The following NDST3 variants were observed in gnomAD, a reference collection of about 807,000 sequenced individuals.
NDST3 encodes bifunctional heparan sulfate N-deacetylase/N-sulfotransferase 3.
A neutral mutation model predicts 96.1 loss-of-function variants in NDST3; 58 were observed. That is an observed-to-expected ratio of 0.60 (90% CI 0.49 to 0.75). NDST3 has a LOEUF of 0.75. Among genes scored for constraint, NDST3 ranks in the 30% least tolerant of loss-of-function variants. The probability of loss-of-function intolerance (pLI) is 0.00; values close to 1 mark genes in which losing one functional copy is unlikely to be tolerated. For missense variants in NDST3, 788 were observed against 1,034.2 expected (o/e 0.76, Z 3.27); for synonymous variants, 333 against 359.7 (o/e 0.93, Z 0.84).
chr4:118,179,827 TC>T (rs1474560103), intron 6 of NDST3, among the ~76,000 whole-genome samples: 1 of 152,068 alleles, frequency 6.6e-6, no homozygotes, highest in Non-Finnish European at 1.5e-5. Flanking sequence ...TGAATAAGTC[TC>T]AATTTAGTAA....
At chr4:118,115,223 A>T (rs747693866) in intron 4 of NDST3, among the ~76,000 whole-genome samples, 1 of 152,208 alleles carries the variant, frequency 6.6e-6, no homozygotes, top group African/African-American at 2.4e-5. Context: ...AGCACCTAAG[A>T]CATGGCTCCT....
chr4:118,084,151 A>T (rs1463128481), intron 2 of NDST3, among the ~76,000 whole-genome samples: 2 of 152,158 alleles, frequency 1.3e-5, no homozygotes, highest in African/African-American at 4.8e-5. Context: ...ACCACATGAG[A>T]ACTACAGCTA....
At chr4:118,192,543 T>C (rs1189650586) in intron 6 of NDST3, among the ~76,000 whole-genome samples, 2 of 152,184 alleles carry the variant, frequency 1.3e-5, no homozygotes, top group African/African-American at 4.8e-5. Context: ...AGAGATTGTC[T>C]TTTCCCCAGT....
chr4:118,171,881 C>A (rs17049648), intron 6 of NDST3, among the ~76,000 whole-genome samples: 12,819 of 152,130 alleles, frequency 0.084, 1,257 homozygotes, highest in African/African-American at 0.25. Flanking sequence ...CAGGAGCTCA[C>A]AGCCAGATAT....
At position 118,081,935 on chromosome 4, in the gene NDST3, C is replaced by T. The variant is rs555360153; in HGVS notation, c.982-23083C>T. ...AGCTTTGGTGAATCTAGTACCAATGCTCATTTTCAAGCCAGGAGCAAACAC... is the reference window on the plus strand; with the variant it reads ...AGCTTTGGTGAATCTAGTACCAATGTTCATTTTCAAGCCAGGAGCAAACAC... On this transcript the variant is annotated intron_variant, in intron 2 of 13. Coordinates refer to ENST00000296499, the MANE Select transcript of NDST3 (RefSeq NM_004784.3). 5.9e-5 allele frequency among the ~76,000 whole-genome samples: 9 copies of T among 152,260 alleles called. No individual in the cohort carries two copies. The South Asian group carries it at 1.0e-3, about 18-fold the overall frequency.
At chr4:118,193,845 TC>T (rs1737482692) in intron 6 of NDST3, 1 of 1,290,510 alleles carries the variant, frequency 7.7e-7, no homozygotes, top group East Asian at 2.3e-5. Context: ...GCCTGTGCCT[TC>T]TGTGTTTCCT....
rs1560617957 is a variant in NDST3, at chr4:118,066,258, A to ATATATAT, written c.981+11375_981+11381dup. 8.6e-4 allele frequency among the ~76,000 whole-genome samples: 7 copies of ATATATAT among 8,182 alleles called. 2 individuals are homozygous for ATATATAT. Among genetic ancestry groups the ATATATAT allele is most frequent in the African/African-American group, 1.2e-3 (7 of 6,072 alleles). The allele number at this position is 8,182 out of a possible 152,430, so 5.4% of individuals were successfully genotyped here. On this transcript the variant is annotated intron_variant, in intron 2 of 13. Transcript: ENST00000296499. ...TTATATATTATATATATTATATATT[A>ATATATAT]TATATATTATATATATTATATATTA...
intron 6 of NDST3, among the ~76,000 whole-genome samples, chr4:118,178,609 T>C (rs1293869959): frequency 6.6e-6 from 1 of 152,038 alleles, no homozygotes; most frequent in Admixed American, 6.6e-5. Flanking sequence ...TGCTTCCACC[T>C]TGTGGCCATT....
chr4:118,253,963 G>A (rs9968544), intron 13 of NDST3, among the ~76,000 whole-genome samples: 7,616 of 152,192 alleles, frequency 0.05, 349 homozygotes, highest in African/African-American at 0.12. Flanking sequence ...ATTTTTGGCC[G>A]AGTGTGGCGG....
chr4:118,193,579 G>T, intron 6 of NDST3: 2 of 1,133,214 alleles, frequency 1.8e-6, no homozygotes, highest in Non-Finnish European at 2.7e-6. Context: ...CAAGCTGCCT[G>T]CAGATCTGCT....
intron 2 of NDST3, among the ~76,000 whole-genome samples, chr4:118,067,454 T>G (rs755890205): frequency 2.6e-5 from 4 of 152,066 alleles, no homozygotes; most frequent in South Asian, 4.1e-4. Flanking sequence ...AAATGAACAA[T>G]GGAAAACTAA....
upstream of NDST3, among the ~76,000 whole-genome samples, chr4:118,033,454 C>G (rs28625833): frequency 6.5e-3 from 986 of 152,172 alleles, 8 homozygotes; most frequent in African/African-American, 0.023. Context: ...CCCCCGGGGT[C>G]TCCTTGTCGA....
In NDST3 at chr4:118,084,846, C is replaced by A. The variant is rs1171545342; in HGVS notation, c.982-20172C>A. Among the ~76,000 whole-genome samples, 3 of 152,126 alleles carry A rather than the reference C, an allele frequency of 2.0e-5. No homozygotes were observed. The East Asian group carries it at 5.8e-4, about 29-fold the overall frequency. ...TTAAAAACAACTGGAATGGGCCAAG[C>A]GCGGTGGCTCACGCCTGTAATCCCA... is the stretch of plus-strand genomic sequence containing the variant. On this transcript the variant is annotated intron_variant, in intron 2 of 13. Coordinates refer to ENST00000296499, the MANE Select transcript of NDST3 (RefSeq NM_004784.3).
At chr4:118,139,496 A>G (rs1733393219) in intron 5 of NDST3, among the ~76,000 whole-genome samples, 1 of 152,192 alleles carries the variant, frequency 6.6e-6, no homozygotes, top group African/African-American at 2.4e-5. Context: ...AGTTGATTAC[A>G]CAATAAGCGA....
At chr4:118,224,711 C>A in intron 7 of NDST3, 38 bp downstream of exon 7, 1 of 1,476,608 alleles carries the variant, frequency 6.8e-7, no homozygotes, top group Non-Finnish European at 9.1e-7. Flanking sequence ...CCAGTTAATT[C>A]CAGGAACATA....
At chr4:118,173,288 A>C (rs1303006719) in intron 6 of NDST3, among the ~76,000 whole-genome samples, 1 of 152,144 alleles carries the variant, frequency 6.6e-6, no homozygotes, top group Non-Finnish European at 1.5e-5. Context: ...ATTGGACCAA[A>C]GGAAAACAAC....
Position 118,131,055 on chromosome 4 carries a change from T to C in NDST3, c.1225-6999T>C, listed in dbSNP as rs189305324. On this transcript the variant is annotated intron_variant, in intron 4 of 13. Transcript: ENST00000296499. ...ATTAGATGCCTTGAGTTAGTCTTCT[T>C]TGAGTTAATCTGCTTGGTGCTCCAT... Among the ~76,000 whole-genome samples, 470 of 152,346 alleles carry C rather than the reference T, an allele frequency of 3.1e-3. 2 individuals carry two copies. Among genetic ancestry groups the C allele is most frequent in the Non-Finnish European group, 4.1e-3 (278 of 68,030 alleles).
chr4:118,074,351 G>A (rs1727324178), intron 2 of NDST3, among the ~76,000 whole-genome samples: 2 of 151,634 alleles, frequency 1.3e-5, no homozygotes, highest in South Asian at 4.1e-4. Flanking sequence ...CCTCAATGAA[G>A]TCTCCCATTA....
intron 6 of NDST3, among the ~76,000 whole-genome samples, chr4:118,161,408 G>A (rs1018081420): frequency 6.6e-6 from 1 of 152,178 alleles, no homozygotes; most frequent in Non-Finnish European, 1.5e-5. Flanking sequence ...AAAGCTGTCA[G>A]ACAGGGACAT....
Sources: allele counts gnomAD v4.1 joint callset (sites outside exome capture counted in the v4.1 genomes callset), GRCh38; gene constraint gnomAD v4.1.1; transcripts MANE v1.5; gene names NCBI Gene and HGNC (gene_info 2026-07-23, HGNC 2026-07-21).